Variants in RIMBP2 observed in about 807,000 individuals in gnomAD.
RIMBP2 encodes the protein RIMS binding protein 2, also known as RIMS-binding protein 2.
A neutral mutation model predicts 118.6 loss-of-function variants in RIMBP2; 48 were observed. That is an observed-to-expected ratio of 0.40 (90% CI 0.32 to 0.51). RIMBP2 has a LOEUF of 0.51. Among genes scored for constraint, RIMBP2 ranks in the 20% least tolerant of loss-of-function variants. The pLI, the probability that RIMBP2 is intolerant of heterozygous loss-of-function variation, is 0.41. For missense variants in RIMBP2, 1,551 were observed against 1,768.3 expected, an observed-to-expected ratio of 0.88 and a Z score of 2.20; for synonymous variants, 762 against 742.9, an observed-to-expected ratio of 1.03 and a Z score of -0.42.
intron 19 of RIMBP2, among the ~76,000 whole-genome samples, chr12:130,408,252 T>G (rs571039621): frequency 1.3e-5 from 2 of 152,320 alleles, no homozygotes; most frequent in East Asian, 1.9e-4. Flanking sequence ...AGTGCCTGTT[T>G]GTGTAACTAT....
chr12:130,664,439 G>GCA (rs1156467969), intron 1 of RIMBP2, among the ~76,000 whole-genome samples: 49,948 of 111,206 alleles, frequency 0.45, 13,404 homozygotes, highest in Non-Finnish European at 0.55. Flanking sequence ...ATGCATGCAC[G>GCA]CACACACGCA....
At chr12:130,714,336 C>T (rs1409955115) in intron 1 of RIMBP2, among the ~76,000 whole-genome samples, 4 of 152,370 alleles carry the variant, frequency 2.6e-5, no homozygotes, top group East Asian at 3.9e-4. Context: ...CCCGGCTGCA[C>T]GCTGGCCTCA....
intron 1 of RIMBP2, among the ~76,000 whole-genome samples, chr12:130,647,652 C>T (rs1594139679): frequency 6.9e-6 from 1 of 145,028 alleles, no homozygotes; most frequent in African/African-American, 2.5e-5. Context: ...TTCTGCTGAC[C>T]CTAAATTTTT....
chr12:130,547,548 G>A (rs1174205322), intron 2 of RIMBP2, among the ~76,000 whole-genome samples: 1 of 152,184 alleles, frequency 6.6e-6, no homozygotes, highest in Non-Finnish European at 1.5e-5. Flanking sequence ...TTGAGGCCTT[G>A]AGACATCATA....
At chr12:130,635,360 T>C (rs2062290026) in intron 1 of RIMBP2, among the ~76,000 whole-genome samples, 1 of 152,184 alleles carries the variant, frequency 6.6e-6, no homozygotes, top group Admixed American at 6.5e-5. Context: ...CTGAAACACT[T>C]GTTGAGATGC....
rs1260193491 is a variant in RIMBP2 at position 130,710,478 on chromosome 12, AC to A, written c.-352+5743del. ...CACACATACACACACACACGTACAC[AC>A]ACACATGTGTGCTCCCCATGAGGGC... On this transcript the variant is annotated intron_variant, in intron 1 of 22. Transcript: ENST00000690449. This position sits in a 1 kb window ranked among gnomAD's most constrained non-coding sequence, Gnocchi z 4.3. 6.6e-6 allele frequency among the ~76,000 whole-genome samples: 1 copy of A among 152,124 alleles called. No individual in the cohort carries two copies. Among genetic ancestry groups the A allele is most frequent in the Non-Finnish European group, 1.5e-5 (1 of 68,022 alleles).
At chr12:130,596,544 G>A (rs73156951) in intron 2 of RIMBP2, among the ~76,000 whole-genome samples, 10,816 of 152,198 alleles carry the variant, frequency 0.071, 395 homozygotes, top group Non-Finnish European at 0.078. Context: ...TAGGAAAACC[G>A]TAGAGTGAAT....
At chr12:130,596,559 A>C (rs1226403896) in intron 2 of RIMBP2, among the ~76,000 whole-genome samples, 1 of 152,200 alleles carries the variant, frequency 6.6e-6, no homozygotes, top group Non-Finnish European at 1.5e-5. Context: ...GTGAATTCAC[A>C]AGCACACACA....
chr12:130,422,619 T>G lies in RIMBP2; in HGVS notation c.3130-58A>C. ...TCGCCAGCATTGGGAACTGAAGAAT[T>G]CAGTTAGCCAAATCAAGCGGGTTGA... On this transcript the variant is annotated intron_variant, in intron 16 of 22. Coordinates refer to ENST00000690449, the MANE Select transcript of RIMBP2 (RefSeq NM_001393629.1). This position sits in a 1 kb window ranked among gnomAD's most constrained non-coding sequence, Gnocchi z 5.2. 8.1e-7 allele frequency: 1 copy of G among 1,241,270 alleles called. No homozygotes were observed. Among genetic ancestry groups the G allele is most frequent in the Non-Finnish European group, 1.1e-6 (1 of 870,278 alleles). 76.9% of individuals were successfully genotyped at this position (1,241,270 alleles called of 1,614,324 possible).
intron 1 of RIMBP2, among the ~76,000 whole-genome samples, chr12:130,640,144 G>A (rs11833602): frequency 0.054 from 8,288 of 152,222 alleles, 449 homozygotes; most frequent in African/African-American, 0.14. Flanking sequence ...AGCCACCAAG[G>A]AAGATGGGGA....
At chr12:130,500,750 C>T (rs1024356673) in intron 4 of RIMBP2, among the ~76,000 whole-genome samples, 1 of 150,828 alleles carries the variant, frequency 6.6e-6, no homozygotes, top group East Asian at 1.9e-4. Context: ...CGCATGTCCC[C>T]TCTTACCCCT....
chr12:130,654,207 C>T (rs1318404563), intron 1 of RIMBP2, among the ~76,000 whole-genome samples: 1 of 152,186 alleles, frequency 6.6e-6, no homozygotes, highest in East Asian at 1.9e-4. Flanking sequence ...CTATAAGTTC[C>T]AACTTTAAGT....
chr12:130,526,386 A>G (rs1417218599), intron 2 of RIMBP2, among the ~76,000 whole-genome samples: 1 of 152,202 alleles, frequency 6.6e-6, no homozygotes, highest in East Asian at 1.9e-4. Context: ...AAGCCAGATG[A>G]CTTCTACAGG....
rs11392769 is a variant in RIMBP2 at position 130,430,625 on chromosome 12, A to ATTTTTTTT, written c.2254-2296_2254-2289dup. Reference sequence around the variant, plus strand: ...ACTAATTAACTTGACTGGGACAGTCATTTTTTTTTTTTTTTTTTTTTTTGA... The same window carrying ATTTTTTTT: ...ACTAATTAACTTGACTGGGACAGTCATTTTTTTTTTTTTTTTTTTTTTTTTTTTTTTGA... On this transcript the variant is annotated intron_variant, in intron 14 of 22. Coordinates refer to ENST00000690449, the MANE Select transcript of RIMBP2 (RefSeq NM_001393629.1). 41 of 92,924 alleles carry ATTTTTTTT rather than the reference A, an allele frequency of 4.4e-4. 1 individual carries two copies. The highest frequency in any genetic ancestry group is 1.5e-3 in the African/African-American group (33 of 22,236). The allele number at this position is 92,924 out of a possible 1,614,324, so 5.8% of individuals were successfully genotyped here.
chr12:130,513,272 C>A (rs1052570171), intron 3 of RIMBP2, among the ~76,000 whole-genome samples: 2 of 152,214 alleles, frequency 1.3e-5, no homozygotes, highest in African/African-American at 4.8e-5. Flanking sequence ...AGCACATTAG[C>A]AACCCTGGGC....
rs773764825 is a variant in RIMBP2, at chr12:130,428,521, T to C, written c.2254-184A>G. 1.6e-4 allele frequency: 87 copies of C among 541,286 alleles called. 1 individual carries two copies. The highest frequency in any genetic ancestry group is 1.4e-4 in the Non-Finnish European group (44 of 315,466). 33.5% of individuals were successfully genotyped at this position (541,286 alleles called of 1,614,324 possible). A position where few individuals can be genotyped will look rare whatever the true frequency, so the allele number is the denominator to read the frequency against. ...GGCTGGAGAGAGGACACACCCACTC[T>C]CTCTGTTGAAGTGGCACAGATGGGA... On this transcript the variant is annotated intron_variant, in intron 14 of 22. Transcript: ENST00000690449.
At chr12:130,674,763 C>T (rs1199498746) in intron 1 of RIMBP2, among the ~76,000 whole-genome samples, 1 of 152,052 alleles carries the variant, frequency 6.6e-6, no homozygotes, top group Non-Finnish European at 1.5e-5. Context: ...ACCGGCCGCT[C>T]CCCATTCCCC....
intron 6 of RIMBP2, among the ~76,000 whole-genome samples, chr12:130,461,844 G>A (rs2080024163): frequency 6.6e-6 from 1 of 152,136 alleles, no homozygotes; most frequent in African/African-American, 2.4e-5. Context: ...CAGCCTACAG[G>A]ACCATCAGCC....
chr12:130,545,426 A>G (rs1422573109), intron 2 of RIMBP2, among the ~76,000 whole-genome samples: 1 of 152,240 alleles, frequency 6.6e-6, no homozygotes, highest in Non-Finnish European at 1.5e-5. Context: ...ATAACATTAT[A>G]AAATATTGAT....
Sources: allele counts gnomAD v4.1 joint callset (sites outside exome capture counted in the v4.1 genomes callset), GRCh38; gene constraint gnomAD v4.1.1; non-coding constraint Gnocchi (gnomAD v3.1); transcripts MANE v1.5; gene names NCBI Gene and HGNC (gene_info 2026-07-23, HGNC 2026-07-21).